AGMO: variants seen among roughly 807,000 people sequenced by gnomAD.
The protein encoded by AGMO is alkylglycerol monooxygenase, also known as glyceryl-ether monooxygenase.
A neutral mutation model predicts 60.2 loss-of-function variants in AGMO; 75 were observed. The observed-to-expected ratio is 1.25, with a 90% CI of 1.03 to 1.51. The LOEUF (loss-of-function observed/expected upper bound fraction) is 1.51, where lower values mean the gene tolerates loss of function less well. Ranked by LOEUF, AGMO falls within the 40% of genes most tolerant of loss-of-function variation. The pLI, the probability that AGMO is intolerant of heterozygous loss-of-function variation, is 0.00. For synonymous variants in AGMO, 261 were observed against 177.1 expected, an observed-to-expected ratio of 1.47 and a Z score of -3.76; for missense variants, 763 against 525.5, an observed-to-expected ratio of 1.45 and a Z score of -4.42.
intron 10 of AGMO, among the ~76,000 whole-genome samples, chr7:15,368,536 C>T (rs1209961815): frequency 6.6e-6 from 1 of 152,076 alleles, no homozygotes; most frequent in Admixed American, 6.6e-5. Flanking sequence ...ATTTTAAAGC[C>T]TCAGCTATGC....
intron 10 of AGMO, among the ~76,000 whole-genome samples, chr7:15,383,960 G>GAGTCTCGCTCTGTCCCCC (rs1783804946): frequency 6.6e-6 from 1 of 151,676 alleles, no homozygotes; most frequent in Admixed American, 6.6e-5. Flanking sequence ...GTTTGAGACT[G>GAGTCTCGCTCTGTCCCCC]AGTCTCGCTC....
chr7:15,538,949 GA>G (rs1255200479), intron 3 of AGMO, among the ~76,000 whole-genome samples: 2 of 151,924 alleles, frequency 1.3e-5, no homozygotes, highest in Admixed American at 1.3e-4. Flanking sequence ...ATGTGTTGAG[GA>G]AAAAAAGTTA....
intron 12 of AGMO, among the ~76,000 whole-genome samples, chr7:15,224,235 G>A (rs544738582): frequency 1.3e-5 from 2 of 151,962 alleles, no homozygotes; most frequent in African/African-American, 4.8e-5. Context: ...ATATACTCTA[G>A]CCAAATCTTT....
chr7:15,386,206 A>C lies in AGMO; in HGVS notation c.958-644T>G, dbSNP rs536540138. ...AAGAAAAGAAAAGAAAAAAAAGGTGATCTTGGCAGTGTAGGTAATCATGCT... is the reference window on the plus strand; with the variant it reads ...AAGAAAAGAAAAGAAAAAAAAGGTGCTCTTGGCAGTGTAGGTAATCATGCT... On this transcript the variant is annotated intron_variant, in intron 9 of 12. Transcript: ENST00000342526. Among the ~76,000 whole-genome samples, 39 of 141,440 alleles carry C rather than the reference A, an allele frequency of 2.8e-4. No homozygotes were observed. In the East Asian group the frequency reaches 6.4e-3, roughly 23 times the overall value. 92.8% of individuals were successfully genotyped at this position (141,440 alleles called of 152,430 possible).
chr7:15,438,891 G>C (rs1451894734), intron 3 of AGMO, among the ~76,000 whole-genome samples: 1 of 152,162 alleles, frequency 6.6e-6, no homozygotes, highest in Non-Finnish European at 1.5e-5. Flanking sequence ...TAATACATGT[G>C]AATGTGATGC....
intron 12 of AGMO, among the ~76,000 whole-genome samples, chr7:15,235,714 T>C (rs1782398070): frequency 6.6e-6 from 1 of 152,180 alleles, no homozygotes; most frequent in South Asian, 2.1e-4. Flanking sequence ...TTTGGGGGCA[T>C]GCAGTCGAAA....
intron 10 of AGMO, among the ~76,000 whole-genome samples, chr7:15,375,820 G>T (rs1470777435): frequency 6.6e-6 from 1 of 152,034 alleles, no homozygotes; most frequent in Non-Finnish European, 1.5e-5. Flanking sequence ...TCTAAGTGAG[G>T]TTATGATTTA....
chr7:15,190,916 T>C, the AGMO span, among the ~76,000 whole-genome samples: 1 of 152,088 alleles, frequency 6.6e-6, no homozygotes, highest in Non-Finnish European at 1.5e-5. Context: ...AGACCTCTTA[T>C]TCACTTCCCA....
At chr7:15,284,788 C>T (rs1282798586) in intron 12 of AGMO, among the ~76,000 whole-genome samples, 1 of 151,878 alleles carries the variant, frequency 6.6e-6, no homozygotes, top group African/African-American at 2.4e-5. Context: ...AAGAAAACCA[C>T]AGACCAATAT....
intron 10 of AGMO, among the ~76,000 whole-genome samples, chr7:15,372,278 C>G (rs1276645434): frequency 1.3e-5 from 2 of 151,852 alleles, no homozygotes; most frequent in Non-Finnish European, 2.9e-5. Context: ...CGGTGAAATC[C>G]CGTCTCTACT....
chr7:15,522,290 A>G (rs1304247625), intron 3 of AGMO, among the ~76,000 whole-genome samples: 1 of 152,202 alleles, frequency 6.6e-6, no homozygotes, highest in Non-Finnish European at 1.5e-5. Context: ...TAATTTATAG[A>G]TTCAATGCTA....
intron 12 of AGMO, among the ~76,000 whole-genome samples, chr7:15,354,373 T>TGTGTATATAGACGC (rs1227952306): frequency 2.0e-5 from 1 of 48,864 alleles, no homozygotes. Flanking sequence ...TATATAGACG[T>TGTGTATATAGACGC]GTGTATACAC....
chr7:15,555,306 C>T (rs865999006), intron 2 of AGMO, among the ~76,000 whole-genome samples: 10,602 of 135,764 alleles, frequency 0.078, 1,332 homozygotes, highest in African/African-American at 0.29. Context: ...CACACACACA[C>T]ACACACACAC....
At chr7:15,373,847 G>A (rs1263310103) in intron 10 of AGMO, among the ~76,000 whole-genome samples, 1 of 152,150 alleles carries the variant, frequency 6.6e-6, no homozygotes, top group Non-Finnish European at 1.5e-5. Flanking sequence ...AAAGGTGCCT[G>A]ACAAGGTCTA....
chr7:15,395,531 TTTG>T (rs1381268401), intron 5 of AGMO, among the ~76,000 whole-genome samples: 1 of 152,298 alleles, frequency 6.6e-6, no homozygotes, highest in Admixed American at 6.5e-5. Flanking sequence ...AGAAAATGCA[TTTG>T]TTTAGCGTTG....
At chr7:15,194,845 C>CCT in the AGMO span, among the ~76,000 whole-genome samples, 10 of 152,164 alleles carry the variant, frequency 6.6e-5, no homozygotes, top group East Asian at 1.9e-3. Flanking sequence ...TCCAATACCC[C>CCT]CTGTCTAGAG....
At chr7:15,397,387 CTCCACACCTCCCCGCAAG>C (rs1435668651) in intron 5 of AGMO, among the ~76,000 whole-genome samples, 2 of 151,966 alleles carry the variant, frequency 1.3e-5, no homozygotes, top group African/African-American at 4.8e-5. Flanking sequence ...CTCTCTCTCC[CTCCACACCTCCCCGCAAG>C]CAGAGGGAGT....
rs114657053 is a variant in AGMO, at chr7:15,206,109, C to G, written c.1264-4750G>C. 8.0e-3 allele frequency among the ~76,000 whole-genome samples: 1,221 copies of G among 152,018 alleles called. 18 individuals are homozygous for G. Among genetic ancestry groups the G allele is most frequent in the African/African-American group, 0.028 (1,155 of 41,486 alleles). On this transcript the variant is annotated intron_variant, in intron 12 of 12. Coordinates refer to ENST00000342526, the MANE Select transcript of AGMO (RefSeq NM_001004320.2). ...GATAAGAACCCAAAGAGAGATTAAG[C>G]CTGAACTGCTCCAAAATATCTCTAT...
At chr7:15,148,752 T>C in the AGMO span, among the ~76,000 whole-genome samples, 1 of 152,184 alleles carries the variant, frequency 6.6e-6, no homozygotes, top group African/African-American at 2.4e-5. Flanking sequence ...TTCCATGTCT[T>C]TGCTATTATG....
Sources: gnomAD v4.1 joint callset for allele counts (sites outside exome capture counted in the v4.1 genomes callset) on GRCh38, gnomAD v4.1.1 for gene constraint, MANE v1.5 for transcripts, NCBI Gene and HGNC (gene_info 2026-07-23, HGNC 2026-07-21) for gene names.